The following ZDHHC2 variants were observed in gnomAD, a reference collection of about 807,000 sequenced individuals.
The protein encoded by ZDHHC2 is zDHHC palmitoyltransferase 2.
Under a neutral mutation model 55.6 loss-of-function variants are expected in ZDHHC2, and 51 were observed. That is an observed-to-expected ratio of 0.92 (90% CI 0.73 to 1.16). The LOEUF is 1.16. ZDHHC2 is among the 50% of genes most tolerant of loss of function. ZDHHC2 has a pLI of 0.00. For missense variants in ZDHHC2, 491 were observed against 442.4 expected (o/e 1.11, Z -0.99); for synonymous variants, 199 against 152.9 (o/e 1.30, Z -2.22).
intron 4 of ZDHHC2, among the ~76,000 whole-genome samples, chr8:17,197,319 T>G (rs979599421): frequency 6.6e-6 from 1 of 152,186 alleles, no homozygotes; most frequent in East Asian, 1.9e-4. Context: ...TTTGTGAGCC[T>G]TATTATAACT....
chr8:17,209,258 T>C (rs1807256359), intron 8 of ZDHHC2, among the ~76,000 whole-genome samples: 2 of 152,144 alleles, frequency 1.3e-5, no homozygotes, highest in South Asian at 4.1e-4. Flanking sequence ...GATCCCGGTT[T>C]GGACAAACTA....
At chr8:17,195,388 G>C in intron 3 of ZDHHC2, 116 bp from the exon 4 acceptor site, 2 of 1,205,840 alleles carry the variant, frequency 1.7e-6, no homozygotes, top group Non-Finnish European at 2.3e-6. Context: ...TTGTCTCTTT[G>C]AATGTACAAT....
intron 1 of ZDHHC2, among the ~76,000 whole-genome samples, chr8:17,178,687 G>A (rs1359937198): frequency 6.6e-6 from 1 of 152,202 alleles, no homozygotes; most frequent in Non-Finnish European, 1.5e-5. Context: ...TCAGTCAAAA[G>A]AGATAAGGGA....
Position 17,203,901 on chromosome 8 carries a change from G to A in ZDHHC2, c.477-1754G>A, listed in dbSNP as rs934598929. Reference sequence around the variant, plus strand: ...CAGCTCACTGCACCCTCCACCTCCCGGATTCAAGCGATTGTCCTGCCTCGG... The same window carrying A: ...CAGCTCACTGCACCCTCCACCTCCCAGATTCAAGCGATTGTCCTGCCTCGG... On this transcript the variant is annotated intron_variant, in intron 6 of 12. Transcript: ENST00000262096. Among the ~76,000 whole-genome samples, 6 of 148,696 alleles carry A rather than the reference G, an allele frequency of 4.0e-5. No homozygotes were observed. The East Asian group carries it at 8.3e-4, about 21-fold the overall frequency.
At chr8:17,167,171 G>T (rs1369610411) in intron 1 of ZDHHC2, among the ~76,000 whole-genome samples, 3 of 152,122 alleles carry the variant, frequency 2.0e-5, no homozygotes, top group African/African-American at 7.2e-5. Flanking sequence ...TTCAGTTTGA[G>T]CCCTCTGAGC....
chr8:17,191,389 G>C (rs1048923519), intron 3 of ZDHHC2, among the ~76,000 whole-genome samples: 2 of 152,112 alleles, frequency 1.3e-5, no homozygotes, highest in Non-Finnish European at 2.9e-5. Context: ...AAGCCACTGC[G>C]CCCAGCCTTA....
At chr8:17,170,469 T>C (rs1460841417) in intron 1 of ZDHHC2, among the ~76,000 whole-genome samples, 1 of 152,234 alleles carries the variant, frequency 6.6e-6, no homozygotes, top group East Asian at 1.9e-4. Context: ...TGTAAAGTAC[T>C]CATAAGTGTC....
intron 3 of ZDHHC2, among the ~76,000 whole-genome samples, chr8:17,190,199 T>C (rs1805946344): frequency 6.6e-6 from 1 of 151,674 alleles, no homozygotes. Context: ...GAGGTTGCAG[T>C]GAGCCGAGAT....
intron 1 of ZDHHC2, among the ~76,000 whole-genome samples, chr8:17,178,608 T>C (rs567038165): frequency 1.6e-4 from 25 of 152,340 alleles, no homozygotes; most frequent in Non-Finnish European, 3.1e-4. Context: ...AATAAAACTT[T>C]ATTTATAGAA....
chr8:17,170,872 C>T (rs1244254964), intron 1 of ZDHHC2, among the ~76,000 whole-genome samples: 3 of 152,102 alleles, frequency 2.0e-5, no homozygotes, highest in African/African-American at 7.2e-5. Flanking sequence ...TAAATACATC[C>T]ACACATATAT....
chr8:17,183,793 C>T (rs1176823921), intron 1 of ZDHHC2, among the ~76,000 whole-genome samples: 1 of 152,058 alleles, frequency 6.6e-6, no homozygotes, highest in Non-Finnish European at 1.5e-5. Context: ...TAGGGCAATC[C>T]AACAGTGGAA....
At chr8:17,196,402 A>G (rs922226136) in intron 4 of ZDHHC2, among the ~76,000 whole-genome samples, 4 of 152,076 alleles carry the variant, frequency 2.6e-5, no homozygotes, top group Non-Finnish European at 5.9e-5. Context: ...AAAATATCTC[A>G]TTAATGAACA....
chr8:17,211,517 GTC>G (rs1807384204), intron 10 of ZDHHC2, among the ~76,000 whole-genome samples: 3 of 152,070 alleles, frequency 2.0e-5, no homozygotes, highest in African/African-American at 7.2e-5. Flanking sequence ...TTGAGACAGG[GTC>G]TCTCTTGTCA....
At chr8:17,187,702 T>G (rs904863932) in intron 3 of ZDHHC2, among the ~76,000 whole-genome samples, 1 of 152,136 alleles carries the variant, frequency 6.6e-6, no homozygotes, top group Non-Finnish European at 1.5e-5. Context: ...GTAGTAGGTT[T>G]GAAGAAAAAT....
intron 5 of ZDHHC2, 116 bp from the exon 6 acceptor site, chr8:17,198,265 T>A: frequency 1.1e-6 from 1 of 883,442 alleles, no homozygotes. Flanking sequence ...AGTAAATAAT[T>A]TTGCAATATT....
In ZDHHC2 at chr8:17,223,782, G is replaced by C. The variant is rs1396176052; in HGVS notation, c.*3561G>C. ...TTTCCTTTAGAATTTATTACCAAAGGATCTTATTTTGTTACAGAACACAGG... is the reference window on the plus strand; with the variant it reads ...TTTCCTTTAGAATTTATTACCAAAGCATCTTATTTTGTTACAGAACACAGG... On this transcript the variant is annotated 3_prime_UTR_variant, in exon 13 of 13. Coordinates refer to ENST00000262096, the MANE Select transcript of ZDHHC2 (RefSeq NM_016353.5). 6.6e-6 allele frequency: 1 copy of C among 151,676 alleles called. No homozygotes were observed. The highest frequency in any genetic ancestry group is 1.9e-4 in the East Asian group (1 of 5,190). 9.4% of individuals were successfully genotyped at this position (151,676 alleles called of 1,614,324 possible).
chr8:17,159,796 G>T (rs942744592), intron 1 of ZDHHC2, among the ~76,000 whole-genome samples: 5 of 152,134 alleles, frequency 3.3e-5, no homozygotes, highest in Admixed American at 3.3e-4. Context: ...TTTGGACCAC[G>T]TTTATCTCGT....
intron 1 of ZDHHC2, among the ~76,000 whole-genome samples, chr8:17,164,059 G>A (rs1185542116): frequency 6.6e-6 from 1 of 152,144 alleles, no homozygotes; most frequent in Admixed American, 6.5e-5. Context: ...GAGGCGCTGG[G>A]TAGGATGCTC....
intron 6 of ZDHHC2, among the ~76,000 whole-genome samples, chr8:17,202,732 T>TACAC (rs766151469): frequency 2.4e-4 from 32 of 132,858 alleles, no homozygotes; most frequent in Middle Eastern, 3.5e-3. Flanking sequence ...TATATATATA[T>TACAC]ATACACACAC....
Sources: gnomAD v4.1 joint callset for allele counts (sites outside exome capture counted in the v4.1 genomes callset) on GRCh38, gnomAD v4.1.1 for gene constraint, MANE v1.5 for transcripts, NCBI Gene and HGNC (gene_info 2026-07-23, HGNC 2026-07-21) for gene names.